Variants in TMEM201 observed in about 807,000 individuals in gnomAD.
The protein encoded by TMEM201 is RP13-15M17.2.
A neutral mutation model predicts 63.4 loss-of-function variants in TMEM201; 26 were observed. That is an observed-to-expected ratio of 0.41 (90% CI 0.30 to 0.57). The LOEUF (loss-of-function observed/expected upper bound fraction) is 0.57, where lower values mean the gene tolerates loss of function less well. TMEM201 is among the 20% of genes least tolerant of loss of function. The pLI is 0.29. For missense variants in TMEM201, 794 were observed against 917.7 expected (o/e 0.87, Z 1.74); for synonymous variants, 417 against 421.6 (o/e 0.99, Z 0.14).
Position 9,596,951 on chromosome 1 carries a change from G to A in TMEM201, c.327G>A (p.Gln109=), listed in dbSNP as rs1205539554. The A allele has an allele frequency of 6.2e-6, 10 of 1,612,864 alleles. No homozygotes were observed. Among genetic ancestry groups the A allele is most frequent in the Middle Eastern group, 3.3e-4 (2 of 6,084 alleles). Residue 109 remains glutamine, a synonymous_variant, in exon 3 of 11, where the codon CAG becomes CAA. Coordinates refer to ENST00000340381, the MANE Select transcript of TMEM201 (RefSeq NM_001130924.3). ...SSAPSLRDPS[Q]PQQWVSSQVL... is the part of the protein sequence containing the mutation. ...CGCCCAGCCTGCGCGACCCTTCGCAGCCGCAGCAGTGGGTGAGCAGCCAAG... is the reference window on the plus strand; with the variant it reads ...CGCCCAGCCTGCGCGACCCTTCGCAACCGCAGCAGTGGGTGAGCAGCCAAG...
rs1351978094 is a variant in TMEM201 at position 9,605,377 on chromosome 1, C to A, written c.1161-2180C>A. Among the ~76,000 whole-genome samples the A allele has an allele frequency of 1.3e-5, 2 of 152,036 alleles. No individual in the cohort carries two copies. Among genetic ancestry groups the A allele is most frequent in the Non-Finnish European group, 2.9e-5 (2 of 68,000 alleles). On this transcript the variant is annotated intron_variant, in intron 6 of 10. Transcript: ENST00000340381. The surrounding 1 kb of genome is among the most constrained non-coding windows in gnomAD (Gnocchi z 5.7). ...GGCCTCTTAGTCCCTCTCTGACACT[C>A]CCCAGAGCCAGCATCCAGGCCTGAT...
At chr1:9,591,049 G>A (rs543651430) in intron 1 of TMEM201, among the ~76,000 whole-genome samples, 5 of 152,314 alleles carry the variant, frequency 3.3e-5, no homozygotes, top group East Asian at 1.9e-4. Context: ...GCCCCACCTT[G>A]TGCTTTAGGA....
At position 9,614,492 on chromosome 1, in the gene TMEM201, C is replaced by T. The variant is rs377042376; in HGVS notation, c.*1409C>T. On this transcript the variant is annotated 3_prime_UTR_variant, in exon 11 of 11. Coordinates refer to ENST00000340381, the MANE Select transcript of TMEM201 (RefSeq NM_001130924.3). ...GGATGCCGCCTCCTGCCCTGCCTAC[C>T]CCTGAAACGTGGGGAATGGGGGCCC... 6.0e-4 allele frequency: 92 copies of T among 152,280 alleles called. No homozygotes were observed. The highest frequency in any genetic ancestry group is 2.1e-3 in the African/African-American group (88 of 41,526). The allele number at this position is 152,280 out of a possible 1,614,324, so 9.4% of individuals were successfully genotyped here.
In TMEM201 at chr1:9,610,753, G is replaced by A. The variant is rs1167094354; in HGVS notation, c.1713G>A (p.Glu571=). 3 of 1,549,204 alleles carry A rather than the reference G, an allele frequency of 1.9e-6. No individual in the cohort carries two copies. The highest frequency in any genetic ancestry group is 1.4e-5 in the African/African-American group (1 of 73,030). The change falls in exon 9 of 11, where the codon GAG becomes GAA. Residue 571 remains glutamate (E), a synonymous_variant. Transcript: ENST00000340381. The surrounding 1 kb of genome is among the most constrained non-coding windows in gnomAD (Gnocchi z 4.9). ...SPHNGSLFTM[E]PPHVPRKPPL... ...ACAACGGCAGCCTCTTCACCATGGAGCCGCCCCATGTTCCCCGGAAGCCGC... is the reference window on the plus strand; with the variant it reads ...ACAACGGCAGCCTCTTCACCATGGAACCGCCCCATGTTCCCCGGAAGCCGC...
chr1:9,613,376 C>A lies in TMEM201; in HGVS notation c.*293C>A. 2.0e-6 allele frequency: 1 copy of A among 501,128 alleles called. No homozygotes were observed. Among genetic ancestry groups the A allele is most frequent in the South Asian group, 2.4e-5 (1 of 42,168 alleles). 31.0% of individuals were successfully genotyped at this position (501,128 alleles called of 1,614,324 possible). A position where few individuals can be genotyped will look rare whatever the true frequency, so the allele number is the denominator to read the frequency against. Reference sequence around the variant, plus strand: ...CAGGGAGCCCCAAGGGGCTGCATGACCCTGGGGTGCCCCACACAGTTCAGC... The same window carrying A: ...CAGGGAGCCCCAAGGGGCTGCATGAACCTGGGGTGCCCCACACAGTTCAGC... On this transcript the variant is annotated 3_prime_UTR_variant, in exon 11 of 11. Transcript: ENST00000340381.
In TMEM201 at chr1:9,608,025, G is replaced by A. The variant is rs1240929850; in HGVS notation, c.1393+236G>A. Among the ~76,000 whole-genome samples the A allele has an allele frequency of 6.6e-6, 1 of 152,154 alleles. No homozygotes were observed. Among genetic ancestry groups the A allele is most frequent in the African/African-American group, 2.4e-5 (1 of 41,430 alleles). The stretch of plus-strand genomic sequence containing the variant: ...GGCCAAGGTGGGAGGATGGCTTGAG[G>A]CTAGGAGTTCAAGACCAGCCTGGGC... On this transcript the variant is annotated intron_variant, in intron 7 of 10. Coordinates refer to ENST00000340381, the MANE Select transcript of TMEM201 (RefSeq NM_001130924.3). This position sits in a 1 kb window ranked among gnomAD's most constrained non-coding sequence, Gnocchi z 4.3.
Position 9,603,302 on chromosome 1 carries a change from T to C in TMEM201, c.1160+1030T>C. 3 of 984,690 alleles carry C rather than the reference T, an allele frequency of 3.0e-6. No individual in the cohort carries two copies. Among genetic ancestry groups the C allele is most frequent in the Non-Finnish European group, 3.6e-6 (3 of 829,244 alleles). The allele number at this position is 984,690 out of a possible 1,614,324, so 61.0% of individuals were successfully genotyped here. A position where few individuals can be genotyped will look rare whatever the true frequency, so the allele number is the denominator to read the frequency against. On this transcript the variant is annotated intron_variant, in intron 6 of 10. Coordinates refer to ENST00000340381, the MANE Select transcript of TMEM201 (RefSeq NM_001130924.3). The surrounding 1 kb of genome is among the most constrained non-coding windows in gnomAD (Gnocchi z 4.5). ...ATGAAATGAGGTGGACCCCTCTCCA[T>C]AGCCCTTGGGTGCCAGCTCAGTGGG...
At chr1:9,611,198 C>CTT in intron 9 of TMEM201, 1 of 457,116 alleles carries the variant, frequency 2.2e-6, no homozygotes, top group East Asian at 8.5e-5. Flanking sequence ...TTGTAGATTT[C>CTT]CTTTTTTTTT....
chr1:9,591,041 C>T (rs1487972880), intron 1 of TMEM201, among the ~76,000 whole-genome samples: 1 of 152,136 alleles, frequency 6.6e-6, no homozygotes, highest in African/African-American at 2.4e-5. Context: ...GCAGGTCAGC[C>T]CCACCTTGTG....
At position 9,608,353 on chromosome 1, in the gene TMEM201, C is replaced by T. The variant is rs1644276272; in HGVS notation, c.1393+564C>T. 6.6e-6 allele frequency among the ~76,000 whole-genome samples: 1 copy of T among 152,198 alleles called. No homozygotes were observed. Among genetic ancestry groups the T allele is most frequent in the Admixed American group, 6.5e-5 (1 of 15,276 alleles). On this transcript the variant is annotated intron_variant, in intron 7 of 10. Transcript: ENST00000340381. The surrounding 1 kb of genome is among the most constrained non-coding windows in gnomAD (Gnocchi z 4.3). ...GGGTAAATGTGTGCACCGTGCTGTG[C>T]CCTAATCTTTTCCTCTAAAATTGCA...
At chr1:9,606,299 G>C (rs1644241768) in intron 6 of TMEM201, 1 of 152,190 alleles carries the variant, frequency 6.6e-6, no homozygotes, top group Admixed American at 6.5e-5. Context: ...CCTTCCCCAG[G>C]GTCCCCAGCT....
rs768796980 is a variant in TMEM201, at chr1:9,613,429, T to C, written c.*346T>C. On this transcript the variant is annotated 3_prime_UTR_variant, in exon 11 of 11. Transcript: ENST00000340381. ...TGCCTGGCAGGGACGCCAGTACTAC[T>C]GTAACTGCAGCAGGAGCTGCCCGGC... 3.0e-5 allele frequency: 10 copies of C among 335,286 alleles called. No homozygotes were observed. The highest frequency in any genetic ancestry group is 1.1e-5 in the Non-Finnish European group (2 of 179,780). 20.8% of individuals were successfully genotyped at this position (335,286 alleles called of 1,614,324 possible).
chr1:9,611,014 G>A, intron 9 of TMEM201: 2 of 1,531,552 alleles, frequency 1.3e-6, no homozygotes, highest in Non-Finnish European at 1.7e-6. Context: ...TCCTTTTGCA[G>A]TTGACCTTCA....
rs1466921756 is a variant in TMEM201 at position 9,608,069 on chromosome 1, C to A, written c.1393+280C>A. Among the ~76,000 whole-genome samples, 3 of 152,112 alleles carry A rather than the reference C, an allele frequency of 2.0e-5. No homozygotes were observed. Among genetic ancestry groups the A allele is most frequent in the Non-Finnish European group, 4.4e-5 (3 of 68,016 alleles). On this transcript the variant is annotated intron_variant, in intron 7 of 10. Coordinates refer to ENST00000340381, the MANE Select transcript of TMEM201 (RefSeq NM_001130924.3). This position sits in a 1 kb window ranked among gnomAD's most constrained non-coding sequence, Gnocchi z 4.3. ...CCTGGGCAACATAGGGAGACGCTGT[C>A]TCTACAAAAAAAGTTGTTTTAATTA...
chr1:9,609,813 G>C, intron 7 of TMEM201, 27 bp from the exon 8 acceptor site: 1 of 1,550,768 alleles, frequency 6.4e-7, no homozygotes, highest in South Asian at 1.2e-5. Flanking sequence ...CAGGCCTGAC[G>C]TGTCGCCCGC....
Position 9,613,793 on chromosome 1 carries a change from C to G in TMEM201, c.*710C>G, listed in dbSNP as rs1557565862. 6.6e-6 allele frequency: 1 copy of G among 152,458 alleles called. No homozygotes were observed. Among genetic ancestry groups the G allele is most frequent in the Non-Finnish European group, 1.5e-5 (1 of 68,226 alleles). 9.4% of individuals were successfully genotyped at this position (152,458 alleles called of 1,614,324 possible). On this transcript the variant is annotated 3_prime_UTR_variant, in exon 11 of 11. Transcript: ENST00000340381. ...CCATTACCCTGAGAATGCGGAGCGC[C>G]CTGGCCCACCTCGCCCTGTGTTTCC...
rs1279405669 is a variant in TMEM201, at chr1:9,607,448, C to T, written c.1161-109C>T. The T allele has an allele frequency of 1.2e-5, 10 of 810,192 alleles. No homozygotes were observed. The East Asian group carries it at 2.7e-4, about 22-fold the overall frequency. 50.2% of individuals were successfully genotyped at this position (810,192 alleles called of 1,614,324 possible). On this transcript the variant is annotated intron_variant, in intron 6 of 10. Coordinates refer to ENST00000340381, the MANE Select transcript of TMEM201 (RefSeq NM_001130924.3). This position sits in a 1 kb window ranked among gnomAD's most constrained non-coding sequence, Gnocchi z 5.4. Reference sequence around the variant, plus strand: ...ACGCACGCCTCCTCTGGGACCCCAGCTGAGGCCCCCACCTTGCACTGTGGG... The same window carrying T: ...ACGCACGCCTCCTCTGGGACCCCAGTTGAGGCCCCCACCTTGCACTGTGGG...
chr1:9,612,862 G>A, intron 10 of TMEM201, 124 bp from the exon 11 acceptor site: 2 of 797,812 alleles, frequency 2.5e-6, no homozygotes, highest in Non-Finnish European at 4.1e-6. Flanking sequence ...AGCCTCACCA[G>A]TCTCAGAGAG....
rs1247743435 is a variant in TMEM201 at position 9,603,339 on chromosome 1, C to G, written c.1160+1067C>G. 132 of 985,234 alleles carry G rather than the reference C, an allele frequency of 1.3e-4. No individual in the cohort carries two copies. Among genetic ancestry groups the G allele is most frequent in the Non-Finnish European group, 1.6e-4 (131 of 829,854 alleles). The allele number at this position is 985,234 out of a possible 1,614,324, so 61.0% of individuals were successfully genotyped here. On this transcript the variant is annotated intron_variant, in intron 6 of 10. Coordinates refer to ENST00000340381, the MANE Select transcript of TMEM201 (RefSeq NM_001130924.3). The surrounding 1 kb of genome is among the most constrained non-coding windows in gnomAD (Gnocchi z 4.5). ...GCCAGCTCAGTGGGTGTGGGGATCA[C>G]ATGAGGTGGCTCATGAGGACACACT...
Sources: allele counts gnomAD v4.1 joint callset (sites outside exome capture counted in the v4.1 genomes callset), GRCh38; gene constraint gnomAD v4.1.1; non-coding constraint Gnocchi (gnomAD v3.1); transcripts MANE v1.5; gene names NCBI Gene and HGNC (gene_info 2026-07-23, HGNC 2026-07-21).